The following DPP10 variants were observed in gnomAD, a reference collection of about 807,000 sequenced individuals.
DPP10 encodes the protein dipeptidyl peptidase like 10.
A neutral mutation model predicts 120.9 loss-of-function variants in DPP10; 33 were observed. The observed-to-expected ratio is 0.27, with a 90% confidence interval of 0.21 to 0.37. The LOEUF (loss-of-function observed/expected upper bound fraction) is 0.37, where lower values mean the gene tolerates loss of function less well. DPP10 is among the 10% of genes least tolerant of loss of function. The pLI is 1.00. For synonymous variants in DPP10, 337 were observed against 326.1 expected (o/e 1.03, Z -0.36); for missense variants, 816 against 942.8 (o/e 0.87, Z 1.76).
chr2:115,710,440 TC>T (rs2092279968), intron 7 of DPP10, among the ~76,000 whole-genome samples: 1 of 152,100 alleles, frequency 6.6e-6, no homozygotes, highest in African/African-American at 2.4e-5. Flanking sequence ...ATTATTATCT[TC>T]CTTAATAATA....
At chr2:115,009,215 G>A (rs1365627571) in intron 1 of DPP10, among the ~76,000 whole-genome samples, 2 of 149,912 alleles carry the variant, frequency 1.3e-5, no homozygotes, top group Non-Finnish European at 3.0e-5. Flanking sequence ...TTAAGAAAAT[G>A]TGGCACATAT....
chr2:115,832,331 A>C (rs970540620), intron 21 of DPP10, among the ~76,000 whole-genome samples: 3 of 152,258 alleles, frequency 2.0e-5, no homozygotes, highest in African/African-American at 2.4e-5. Flanking sequence ...TGTACAAATA[A>C]ATACAAAAAT....
intron 1 of DPP10, among the ~76,000 whole-genome samples, chr2:114,561,424 C>T (rs1688752736): frequency 6.6e-6 from 1 of 152,106 alleles, no homozygotes; most frequent in Non-Finnish European, 1.5e-5. Flanking sequence ...CACACATGTG[C>T]ACATAAACAC....
chr2:115,398,017 A>C (rs2067805128), intron 3 of DPP10, among the ~76,000 whole-genome samples: 1 of 152,158 alleles, frequency 6.6e-6, no homozygotes, highest in African/African-American at 2.4e-5. Flanking sequence ...TTCTAATTTG[A>C]TAATGTGATG....
At chr2:115,691,627 AG>A (rs1438312871) in intron 7 of DPP10, among the ~76,000 whole-genome samples, 1 of 152,104 alleles carries the variant, frequency 6.6e-6, no homozygotes, top group Admixed American at 6.6e-5. Context: ...CTGACAAGGC[AG>A]TTTCATATGC....
At chr2:114,562,110 A>G (rs1436160242) in intron 1 of DPP10, among the ~76,000 whole-genome samples, 3 of 152,346 alleles carry the variant, frequency 2.0e-5, no homozygotes, top group Middle Eastern at 3.4e-3. Flanking sequence ...GATGAATTCA[A>G]CCAATATTAC....
chr2:115,557,798 G>T (rs1384073536), intron 5 of DPP10, among the ~76,000 whole-genome samples: 2 of 152,194 alleles, frequency 1.3e-5, no homozygotes, highest in East Asian at 1.9e-4. Flanking sequence ...CCTGTGAAAT[G>T]CAGAGGCTCC....
chr2:115,595,117 A>G (rs112581741), intron 5 of DPP10, among the ~76,000 whole-genome samples: 9,746 of 152,178 alleles, frequency 0.064, 419 homozygotes, highest in Middle Eastern at 0.13. Context: ...TAAGATTTTA[A>G]ACATCTGATG....
chr2:115,368,575 T>C (rs891655843), intron 3 of DPP10, among the ~76,000 whole-genome samples: 4 of 152,058 alleles, frequency 2.6e-5, no homozygotes, highest in Non-Finnish European at 5.9e-5. Flanking sequence ...AGTATTTAAA[T>C]TAAATCACTA....
intron 2 of DPP10, among the ~76,000 whole-genome samples, chr2:115,311,572 G>A (rs965076055): frequency 2.6e-5 from 4 of 152,118 alleles, no homozygotes; most frequent in African/African-American, 4.8e-5. Flanking sequence ...ATAGGTAATT[G>A]TGGAGTTCTC....
intron 7 of DPP10, among the ~76,000 whole-genome samples, chr2:115,715,284 A>C (rs2092454050): frequency 1.5e-5 from 2 of 134,022 alleles, no homozygotes; most frequent in Non-Finnish European, 3.1e-5. Flanking sequence ...GGTTGCAATG[A>C]GCCGAGATCG....
chr2:115,734,470 A>G (rs2092985456), intron 8 of DPP10, among the ~76,000 whole-genome samples: 2 of 151,976 alleles, frequency 1.3e-5, no homozygotes, highest in East Asian at 3.9e-4. Flanking sequence ...AGCCTCGCCA[A>G]CGTGGTAAAA....
At chr2:114,755,629 T>C (rs886194548) in intron 1 of DPP10, among the ~76,000 whole-genome samples, 2 of 152,148 alleles carry the variant, frequency 1.3e-5, no homozygotes, top group African/African-American at 4.8e-5. Flanking sequence ...TGTGAGGTGT[T>C]CTACTGTGAT....
intron 1 of DPP10, among the ~76,000 whole-genome samples, chr2:115,280,633 T>C (rs2060121113): frequency 6.6e-6 from 1 of 152,232 alleles, no homozygotes; most frequent in South Asian, 2.1e-4. Context: ...TGAGAAATTA[T>C]CTCTGTTGAA....
At chr2:115,333,770 A>C (rs981616984) in intron 2 of DPP10, among the ~76,000 whole-genome samples, 10 of 152,006 alleles carry the variant, frequency 6.6e-5, no homozygotes, top group African/African-American at 2.4e-4. Flanking sequence ...CTTCTGGCTT[A>C]TAGGGTTTCT....
chr2:115,607,827 G>A (rs1020424442), intron 5 of DPP10, among the ~76,000 whole-genome samples: 2 of 152,054 alleles, frequency 1.3e-5, no homozygotes, highest in Admixed American at 6.6e-5. Context: ...GGGTGGAAAC[G>A]ACATACATTA....
chr2:115,353,939 A>C (rs1189038930), intron 3 of DPP10, among the ~76,000 whole-genome samples: 2 of 152,156 alleles, frequency 1.3e-5, no homozygotes, highest in African/African-American at 2.4e-5. Flanking sequence ...AGATTTAAGG[A>C]AAACAATATT....
chr2:115,239,447 A>T (rs1164080168), intron 1 of DPP10, among the ~76,000 whole-genome samples: 1 of 152,196 alleles, frequency 6.6e-6, no homozygotes, highest in African/African-American at 2.4e-5. Context: ...TAGTAATAGC[A>T]AGGCAAGTTC....
At position 115,171,729 on chromosome 2, in the gene DPP10, C is replaced by CA. The variant is rs368009675; in HGVS notation, c.61-137500dup. ...TAAGTATAACCTTAAAAAAAAAAAA[C>CA]AAAAAAAAAACAAGTTTTAAAATGC... is the stretch of plus-strand genomic sequence containing the variant. On this transcript the variant is annotated intron_variant, in intron 1 of 25. Coordinates refer to ENST00000410059, the MANE Select transcript of DPP10 (RefSeq NM_020868.6). Among the ~76,000 whole-genome samples the CA allele has an allele frequency of 8.9e-3, 1,257 of 141,728 alleles. 11 individuals are homozygous for CA. Among genetic ancestry groups the CA allele is most frequent in the East Asian group, 0.044 (216 of 4,862 alleles). The allele number at this position is 141,728 out of a possible 152,430, so 93.0% of individuals were successfully genotyped here. A position where few individuals can be genotyped will look rare whatever the true frequency, so the allele number is the denominator to read the frequency against.
Sources: gnomAD v4.1 joint callset for allele counts (sites outside exome capture counted in the v4.1 genomes callset) on GRCh38, gnomAD v4.1.1 for gene constraint, MANE v1.5 for transcripts, NCBI Gene and HGNC (gene_info 2026-07-23, HGNC 2026-07-21) for gene names.